The following SLC8A1 variants were observed in gnomAD, a reference collection of about 807,000 sequenced individuals.
SLC8A1 encodes sodium/calcium exchanger 1.
SLC8A1 carries 18 observed loss-of-function variants against 68.3 expected under a neutral mutation model. The observed-to-expected ratio is 0.26, with a 90% CI of 0.18 to 0.39. SLC8A1 has a LOEUF of 0.39. Ranked by LOEUF, SLC8A1 falls within the 10% of genes least tolerant of loss-of-function variation. SLC8A1 has a pLI of 1.00. For synonymous variants in SLC8A1, 475 were observed against 415.5 expected (o/e 1.14, Z -1.74); for missense variants, 985 against 1,156.7 (o/e 0.85, Z 2.15).
upstream of SLC8A1, among the ~76,000 whole-genome samples, chr2:40,456,089 G>T (rs1576605006): frequency 1.3e-5 from 2 of 152,262 alleles, no homozygotes; most frequent in Non-Finnish European, 2.9e-5. Flanking sequence ...GGTTGAGGCG[G>T]GTGGATCACG....
chr2:40,450,405 A>G (rs1283612666), intron 1 of SLC8A1, among the ~76,000 whole-genome samples: 1 of 151,774 alleles, frequency 6.6e-6, no homozygotes, highest in Non-Finnish European at 1.5e-5. Flanking sequence ...TGGGAAAGAG[A>G]GGTATACTTT....
chr2:40,297,996 CAGACTCCTGAGT>C (rs2070743219), intron 2 of SLC8A1, among the ~76,000 whole-genome samples: 1 of 152,152 alleles, frequency 6.6e-6, no homozygotes, highest in Non-Finnish European at 1.5e-5. Context: ...TCTTCTGCCT[CAGACTCCTGAGT>C]AGCTAGGATT....
intron 2 of SLC8A1, among the ~76,000 whole-genome samples, chr2:40,325,215 T>C (rs1400005605): frequency 2.0e-5 from 3 of 152,182 alleles, no homozygotes; most frequent in East Asian, 1.9e-4. Flanking sequence ...AGGCTTCAGA[T>C]TGATGCTCAA....
intron 2 of SLC8A1, among the ~76,000 whole-genome samples, chr2:40,408,119 A>G (rs1559556289): frequency 1.3e-5 from 2 of 152,214 alleles, no homozygotes; most frequent in African/African-American, 2.4e-5. Flanking sequence ...ATATTCTTCT[A>G]CAATCTCTAG....
intron 2 of SLC8A1, among the ~76,000 whole-genome samples, chr2:40,231,488 T>C (rs1051643486): frequency 4.6e-5 from 7 of 152,108 alleles, no homozygotes; most frequent in Admixed American, 2.6e-4. Flanking sequence ...TCCCCCACTT[T>C]TCACACTCTT....
intron 2 of SLC8A1, among the ~76,000 whole-genome samples, chr2:40,392,434 G>C (rs1486909577): frequency 6.6e-6 from 1 of 151,992 alleles, no homozygotes; most frequent in Non-Finnish European, 1.5e-5. Flanking sequence ...AAATATCTTG[G>C]GAAGTTTAGG....
exon 2 of SLC8A1, chr2:40,428,700 G>A (rs149425379): frequency 6.2e-7 from 1 of 1,613,762 alleles, no homozygotes; most frequent in Non-Finnish European, 8.5e-7. Flanking sequence ...TAGTTACAGT[G>A]GCAGTGGAGG....
intron 2 of SLC8A1, among the ~76,000 whole-genome samples, chr2:40,303,514 TTGTC>T (rs1238568952): frequency 2.0e-5 from 3 of 152,176 alleles, no homozygotes; most frequent in Non-Finnish European, 4.4e-5. Flanking sequence ...TAACTTGACT[TTGTC>T]TTTCTTGGAC....
intron 1 of SLC8A1, among the ~76,000 whole-genome samples, chr2:40,508,612 G>C (rs767156059): frequency 1.3e-5 from 2 of 152,074 alleles, no homozygotes; most frequent in African/African-American, 2.4e-5. Flanking sequence ...ATATCAAATA[G>C]ACACATATCA....
intron 2 of SLC8A1, among the ~76,000 whole-genome samples, chr2:40,396,769 A>AAAAAAAAC: frequency 6.8e-6 from 1 of 146,464 alleles, no homozygotes; most frequent in African/African-American, 2.5e-5. Context: ...AAAAAAAAAA[A>AAAAAAAAC]AAAAAAAACA....
chr2:40,221,679 C>G (rs1032639153), intron 2 of SLC8A1, among the ~76,000 whole-genome samples: 4 of 152,206 alleles, frequency 2.6e-5, no homozygotes, highest in African/African-American at 9.7e-5. Context: ...AGCAAAGTCT[C>G]TGGATACAAA....
intron 2 of SLC8A1, among the ~76,000 whole-genome samples, chr2:40,378,150 A>G (rs552129511): frequency 2.0e-5 from 3 of 152,132 alleles, no homozygotes; most frequent in Admixed American, 6.6e-5. Context: ...TGAAAGGGAA[A>G]TAAGAAATAA....
At chr2:40,213,952 T>C (rs1361031402) in intron 2 of SLC8A1, among the ~76,000 whole-genome samples, 1 of 152,122 alleles carries the variant, frequency 6.6e-6, no homozygotes, top group Non-Finnish European at 1.5e-5. Flanking sequence ...ACCTTTCAAT[T>C]AAATGGGTCA....
intron 6 of SLC8A1, among the ~76,000 whole-genome samples, chr2:40,152,425 GAC>G (rs1373316215): frequency 3.9e-5 from 6 of 152,138 alleles, no homozygotes; most frequent in East Asian, 1.9e-4. Context: ...TTTGTTTTGA[GAC>G]ACAGTCTTGC....
At chr2:40,275,558 A>T (rs1167396041) in intron 2 of SLC8A1, among the ~76,000 whole-genome samples, 4 of 152,124 alleles carry the variant, frequency 2.6e-5, no homozygotes, top group Admixed American at 1.3e-4. Flanking sequence ...GCTGGGTTGA[A>T]AGCTGAAAGG....
chr2:40,487,524 T>G (rs1705047744), intron 1 of SLC8A1, among the ~76,000 whole-genome samples: 1 of 152,192 alleles, frequency 6.6e-6, no homozygotes, highest in Admixed American at 6.6e-5. Context: ...TGAAAGCAAT[T>G]TTATCAAAGT....
chr2:40,389,101 G>T lies in SLC8A1; in HGVS notation c.1808+39372C>A, dbSNP rs192847976. Among the ~76,000 whole-genome samples the T allele has an allele frequency of 6.1e-4, 92 of 152,062 alleles. No individual in the cohort carries two copies. The East Asian group carries it at 0.017, about 29-fold the overall frequency. ...CAGGTTTTTATACATATATTTGAGTGTGTGTGTGTAAATAAAGTTCACAGG... is the reference window on the plus strand; with the variant it reads ...CAGGTTTTTATACATATATTTGAGTTTGTGTGTGTAAATAAAGTTCACAGG... On this transcript the variant is annotated intron_variant, in intron 2 of 7. Transcript: ENST00000406785.
intron 2 of SLC8A1, among the ~76,000 whole-genome samples, chr2:40,370,268 C>T (rs1286699433): frequency 3.3e-5 from 5 of 152,124 alleles, no homozygotes; most frequent in Admixed American, 2.0e-4. Context: ...GTTCTGAGAG[C>T]TCAGACATTT....
chr2:40,379,665 G>C lies in SLC8A1; in HGVS notation c.1808+48808C>G, dbSNP rs531582034. 1.5e-3 allele frequency among the ~76,000 whole-genome samples: 225 copies of C among 151,212 alleles called. 3 individuals are homozygous for C. Among genetic ancestry groups the C allele is most frequent in the Non-Finnish European group, 1.7e-3 (115 of 67,856 alleles). On this transcript the variant is annotated intron_variant, in intron 2 of 7. Coordinates refer to ENST00000406785, the Ensembl canonical transcript of SLC8A1. ...TTGCCTTTTTTTTTTTCCCTGCAGAGAATGTGTCTGTTTACCGCATCACCA... is the reference window on the plus strand; with the variant it reads ...TTGCCTTTTTTTTTTTCCCTGCAGACAATGTGTCTGTTTACCGCATCACCA...
Sources: allele counts gnomAD v4.1 joint callset (sites outside exome capture counted in the v4.1 genomes callset), GRCh38; gene constraint gnomAD v4.1.1; transcripts MANE v1.5; gene names NCBI Gene and HGNC (gene_info 2026-07-23, HGNC 2026-07-21).